The following CXCL13 variants were observed in gnomAD, a reference collection of about 807,000 sequenced individuals.
CXCL13 encodes the protein C-X-C motif chemokine 13.
In CXCL13, 7 loss-of-function variants were observed where a neutral mutation model predicts 12.2. The ratio of observed to expected loss-of-function variants is 0.57; its 90% CI spans 0.33 to 1.07. The LOEUF is 1.07. CXCL13 is among the 50% of genes least tolerant of loss of function. The pLI is 0.04. For missense variants in CXCL13, 113 were observed against 127.4 expected (o/e 0.89, Z 0.55); for synonymous variants, 47 against 42.4 (o/e 1.11, Z -0.42).
chr4:77,592,331 G>C (rs1341106222), intron 1 of CXCL13, among the ~76,000 whole-genome samples: 2 of 152,102 alleles, frequency 1.3e-5, no homozygotes, highest in Non-Finnish European at 2.9e-5. Context: ...GCCAGGCATA[G>C]AAAGACAAAT....
intron 1 of CXCL13, among the ~76,000 whole-genome samples, chr4:77,544,433 A>G (rs1372956801): frequency 1.3e-4 from 19 of 151,978 alleles, no homozygotes; most frequent in African/African-American, 3.4e-4. Flanking sequence ...TTTAATGATC[A>G]CTATTCTAAC....
chr4:77,610,950 C>G, intron 3 of CXCL13, 38 bp from the exon 4 acceptor site: 1 of 1,573,106 alleles, frequency 6.4e-7, no homozygotes, highest in Non-Finnish European at 8.7e-7. Context: ...TTGTGTTTCT[C>G]TAAACATGAC....
chr4:77,539,853 T>C (rs1468611508), intron 1 of CXCL13, among the ~76,000 whole-genome samples: 3 of 151,956 alleles, frequency 2.0e-5, no homozygotes, highest in African/African-American at 7.3e-5. Flanking sequence ...TCCTGGTGTG[T>C]GTGGTGGGGG....
chr4:77,601,126 TTA>T (rs1244770011), upstream of CXCL13, among the ~76,000 whole-genome samples: 7 of 152,146 alleles, frequency 4.6e-5, no homozygotes, highest in Non-Finnish European at 7.3e-5. Context: ...TACACACGTT[TTA>T]GGTTTGTGGT....
chr4:77,577,150 C>A (rs1253904689), intron 1 of CXCL13, among the ~76,000 whole-genome samples: 2 of 152,122 alleles, frequency 1.3e-5, no homozygotes, highest in Admixed American at 6.5e-5. Context: ...ATGACCATCA[C>A]CTGGAGGTTT....
At chr4:77,526,076 C>A (rs530650440) in intron 1 of CXCL13, among the ~76,000 whole-genome samples, 1 of 151,936 alleles carries the variant, frequency 6.6e-6, no homozygotes, top group Non-Finnish European at 1.5e-5. Context: ...TCACTGTGGT[C>A]CACAGAGAAG....
intron 1 of CXCL13, among the ~76,000 whole-genome samples, chr4:77,596,562 A>G (rs1397183762): frequency 6.6e-6 from 1 of 152,130 alleles, no homozygotes; most frequent in Admixed American, 6.5e-5. Flanking sequence ...AGGTGGGCGA[A>G]TCACCTGAGG....
intron 1 of CXCL13, 44 bp from the exon 2 acceptor site, chr4:77,607,659 A>G (rs1275364380): frequency 1.9e-6 from 3 of 1,558,050 alleles, no homozygotes; most frequent in South Asian, 2.4e-5. Context: ...GTTATGAATT[A>G]CATGCCAATG....
upstream of CXCL13, among the ~76,000 whole-genome samples, chr4:77,602,575 C>G (rs550527804): frequency 1.6e-4 from 24 of 151,792 alleles, no homozygotes; most frequent in Non-Finnish European, 2.6e-4. Context: ...ATTTAAGTAC[C>G]AAGGTTCTAA....
At chr4:77,568,438 T>C (rs1725987007) in intron 1 of CXCL13, among the ~76,000 whole-genome samples, 1 of 152,206 alleles carries the variant, frequency 6.6e-6, no homozygotes, top group African/African-American at 2.4e-5. Context: ...CAACCAGCCA[T>C]TTTACTTTTC....
At chr4:77,539,103 C>T (rs1019472323) in intron 1 of CXCL13, among the ~76,000 whole-genome samples, 8 of 149,188 alleles carry the variant, frequency 5.4e-5, no homozygotes, top group African/African-American at 2.0e-4. Flanking sequence ...CTAGCTCTGT[C>T]GCCCAGGCTG....
In CXCL13 at chr4:77,607,847, G is replaced by A. The variant is rs963911390; in HGVS notation, c.197+12G>A. 6.8e-6 allele frequency: 11 copies of A among 1,612,728 alleles called. No homozygotes were observed. The highest frequency in any genetic ancestry group is 9.3e-6 in the Non-Finnish European group (11 of 1,179,184). ...AGAAAAGAAATCATGTAAGTTTCAA[G>A]AGAAAAATAAATAAGATTTCCTTCT... On this transcript the variant is annotated intron_variant, in intron 2 of 3. Transcript: ENST00000682537.
intron 1 of CXCL13, among the ~76,000 whole-genome samples, chr4:77,553,019 G>A (rs937913268): frequency 1.3e-5 from 2 of 152,176 alleles, no homozygotes; most frequent in Non-Finnish European, 2.9e-5. Flanking sequence ...GCAAGGGGAT[G>A]GTACTCTGAT....
intron 1 of CXCL13, among the ~76,000 whole-genome samples, chr4:77,568,760 C>T (rs896726862): frequency 1.3e-4 from 20 of 152,140 alleles, no homozygotes; most frequent in Non-Finnish European, 2.2e-4. Context: ...CCCCGAAATG[C>T]TCTGTGGTGT....
intron 1 of CXCL13, among the ~76,000 whole-genome samples, chr4:77,519,490 G>A (rs1484440047): frequency 6.6e-6 from 1 of 152,170 alleles, no homozygotes; most frequent in East Asian, 1.9e-4. Context: ...ATTTTTTCAT[G>A]TGTCTGTTGG....
At chr4:77,584,679 A>T (rs1174314818) in intron 1 of CXCL13, among the ~76,000 whole-genome samples, 10 of 152,172 alleles carry the variant, frequency 6.6e-5, no homozygotes, top group Non-Finnish European at 1.5e-5. Context: ...GAGCATGATG[A>T]TCAGCCCAGA....
intron 1 of CXCL13, among the ~76,000 whole-genome samples, chr4:77,529,787 C>A (rs1724860966): frequency 6.6e-6 from 1 of 152,152 alleles, no homozygotes; most frequent in Non-Finnish European, 1.5e-5. Flanking sequence ...TGCCTGATTG[C>A]CCTGGCCAGA....
chr4:77,543,231 T>C (rs1323411381), intron 1 of CXCL13, among the ~76,000 whole-genome samples: 1 of 152,098 alleles, frequency 6.6e-6, no homozygotes, highest in Non-Finnish European at 1.5e-5. Flanking sequence ...TTTCTGGTTG[T>C]GCTTATTTTT....
chr4:77,566,214 C>T (rs953234024), intron 1 of CXCL13, among the ~76,000 whole-genome samples: 4 of 152,196 alleles, frequency 2.6e-5, no homozygotes, highest in Non-Finnish European at 5.9e-5. Context: ...AGCAAATGGC[C>T]TTATGGGATA....
Sources: allele counts gnomAD v4.1 joint callset (sites outside exome capture counted in the v4.1 genomes callset), GRCh38; gene constraint gnomAD v4.1.1; transcripts MANE v1.5; gene names NCBI Gene and HGNC (gene_info 2026-07-23, HGNC 2026-07-21).